RPSA2: variants seen among roughly 807,000 people sequenced by gnomAD.
The protein encoded by RPSA2 is ribosomal protein SA 2.
the RPSA2 span, among the ~76,000 whole-genome samples, chr19:23,864,325 T>TC: frequency 1.3e-5 from 2 of 152,198 alleles, no homozygotes; most frequent in Non-Finnish European, 2.9e-5. Context: ...TTATTAACAT[T>TC]CCATTAATTT....
chr19:23,860,483 T>A, the RPSA2 span, among the ~76,000 whole-genome samples: 1 of 152,188 alleles, frequency 6.6e-6, no homozygotes, highest in Admixed American at 6.6e-5. Context: ...CTCCACTTCT[T>A]CTTGCTGATT....
At chr19:23,800,027 CTTT>C in the RPSA2 span, among the ~76,000 whole-genome samples, 4 of 110,950 alleles carry the variant, frequency 3.6e-5, no homozygotes, top group Admixed American at 9.4e-5. Context: ...TTTTCTTTTT[CTTT>C]TTTTTTTTTT....
chr19:23,847,986 G>A, the RPSA2 span, among the ~76,000 whole-genome samples: 1 of 152,114 alleles, frequency 6.6e-6, no homozygotes, highest in Non-Finnish European at 1.5e-5. Context: ...GTCTTCCCTT[G>A]TTCCCTAAAA....
chr19:23,764,768 A>ATTT, the RPSA2 span, among the ~76,000 whole-genome samples: 1 of 152,058 alleles, frequency 6.6e-6, no homozygotes, highest in South Asian at 2.1e-4. Context: ...TGTGAGAAAA[A>ATTT]AAGTAGAAAA....
the RPSA2 span, among the ~76,000 whole-genome samples, chr19:23,848,655 T>C: frequency 6.6e-6 from 1 of 152,204 alleles, no homozygotes; most frequent in Non-Finnish European, 1.5e-5. Context: ...AGGAATATGG[T>C]GTGATACAGA....
chr19:23,869,681 G>C, the RPSA2 span, among the ~76,000 whole-genome samples: 1 of 152,114 alleles, frequency 6.6e-6, no homozygotes, highest in Non-Finnish European at 1.5e-5. Flanking sequence ...TGGATTGCTT[G>C]GCATGGAGCA....
At chr19:23,805,383 C>T in the RPSA2 span, among the ~76,000 whole-genome samples, 10 of 152,032 alleles carry the variant, frequency 6.6e-5, no homozygotes, top group African/African-American at 2.2e-4. Flanking sequence ...AGGCTGGTCT[C>T]GAACTCCCTA....
chr19:23,813,540 T>G, the RPSA2 span, among the ~76,000 whole-genome samples: 1 of 152,122 alleles, frequency 6.6e-6, no homozygotes, highest in African/African-American at 2.4e-5. Context: ...TTTAAGATTT[T>G]TTTTAAGGCT....
the RPSA2 span, among the ~76,000 whole-genome samples, chr19:23,800,637 G>C: frequency 6.6e-5 from 10 of 150,738 alleles, no homozygotes; most frequent in Admixed American, 3.3e-4. Context: ...TTCTTAGATG[G>C]AATTTCACTC....
At chr19:23,804,523 C>T in the RPSA2 span, among the ~76,000 whole-genome samples, 1 of 151,984 alleles carries the variant, frequency 6.6e-6, no homozygotes, top group African/African-American at 2.4e-5. Context: ...TCTCGATCTC[C>T]TGACCTCGTG....
chr19:23,813,315 A>G, the RPSA2 span, among the ~76,000 whole-genome samples: 3 of 151,642 alleles, frequency 2.0e-5, no homozygotes, highest in African/African-American at 7.3e-5. Context: ...GAAATTTTAT[A>G]TCTTGTAAAA....
the RPSA2 span, chr19:23,832,069 G>A: frequency 2.2e-6 from 1 of 462,310 alleles, no homozygotes; most frequent in Non-Finnish European, 4.4e-6. Flanking sequence ...TGAAGAATGT[G>A]GCAAAGCTTT....
the RPSA2 span, among the ~76,000 whole-genome samples, chr19:23,844,349 T>C: frequency 1.3e-5 from 2 of 152,214 alleles, no homozygotes; most frequent in Non-Finnish European, 2.9e-5. Flanking sequence ...GTGATAAACA[T>C]GCAAGTATAG....
At chr19:23,823,154 C>T in the RPSA2 span, among the ~76,000 whole-genome samples, 2 of 152,222 alleles carry the variant, frequency 1.3e-5, no homozygotes, top group African/African-American at 4.8e-5. Context: ...AGTTCTCAGC[C>T]TCTGGGGGTC....
At chr19:23,774,467 A>G in the RPSA2 span, among the ~76,000 whole-genome samples, 1 of 151,354 alleles carries the variant, frequency 6.6e-6, no homozygotes, top group African/African-American at 2.4e-5. Flanking sequence ...ATTGAGACAT[A>G]TTATGGAGCT....
At chr19:23,841,134 A>G in the RPSA2 span, among the ~76,000 whole-genome samples, 1 of 152,234 alleles carries the variant, frequency 6.6e-6, no homozygotes, top group South Asian at 2.1e-4. Flanking sequence ...CCTGATACCA[A>G]TCTGTCTCAT....
At chr19:23,865,076 G>A in the RPSA2 span, among the ~76,000 whole-genome samples, 148,715 of 152,186 alleles carry the variant, frequency 0.98, 72,765 homozygotes, top group Middle Eastern at 1. Context: ...CATGAATAGG[G>A]ACTTCGAGGA....
the RPSA2 span, among the ~76,000 whole-genome samples, chr19:23,824,580 C>CTTTATTTTTTTTTT: frequency 1.6e-5 from 1 of 63,822 alleles, no homozygotes; most frequent in Non-Finnish European, 2.8e-5. Flanking sequence ...TATAGCATTT[C>CTTTATTTTTTTTTT]TTTTTTTTTT....
chr19:23,771,434 A>G, the RPSA2 span, among the ~76,000 whole-genome samples: 3 of 152,200 alleles, frequency 2.0e-5, no homozygotes, highest in Non-Finnish European at 2.9e-5. Flanking sequence ...TACCCAACAT[A>G]CAGAGGGTAT....
Sources: gnomAD v4.1 joint callset for allele counts (sites outside exome capture counted in the v4.1 genomes callset) on GRCh38, gnomAD v4.1.1 for gene constraint, MANE v1.5 for transcripts, NCBI Gene and HGNC (gene_info 2026-07-23, HGNC 2026-07-21) for gene names.